CSMD1: variants seen among roughly 807,000 people sequenced by gnomAD.
CSMD1 encodes CUB and Sushi multiple domains 1.
CSMD1 carries 213 observed loss-of-function variants against 417.5 expected under a neutral mutation model. The observed-to-expected ratio is 0.51, with a 90% CI of 0.46 to 0.57. The LOEUF is 0.57. CSMD1 is among the 20% of genes least tolerant of loss of function. The pLI, the probability that CSMD1 is intolerant of heterozygous loss-of-function variation, is 0.00. For missense variants in CSMD1, 6,923 were observed against 4,529.7 expected (o/e 1.53, Z -15.17); for synonymous variants, 2,862 against 1,736.8 (o/e 1.65, Z -16.11).
At chr8:3,142,805 A>T in intron 40 of CSMD1, 131 bp from the exon 41 acceptor site, 1 of 800,248 alleles carries the variant, frequency 1.2e-6, no homozygotes, top group South Asian at 1.6e-5. Context: ...CATGCCGTGG[A>T]GGACGGCATT....
At chr8:4,165,739 A>G (rs1285489945) in intron 3 of CSMD1, among the ~76,000 whole-genome samples, 1 of 152,126 alleles carries the variant, frequency 6.6e-6, no homozygotes, top group East Asian at 1.9e-4. Flanking sequence ...ATCACTAAGC[A>G]TCTCATCATT....
chr8:3,445,277 T>C (rs1458814090), intron 12 of CSMD1, among the ~76,000 whole-genome samples: 1 of 152,186 alleles, frequency 6.6e-6, no homozygotes, highest in Non-Finnish European at 1.5e-5. Context: ...GAAGAAGTTA[T>C]AATTTTGGGG....
At chr8:4,407,716 A>C (rs957898185) in intron 3 of CSMD1, among the ~76,000 whole-genome samples, 1 of 152,216 alleles carries the variant, frequency 6.6e-6, no homozygotes, top group Non-Finnish European at 1.5e-5. Context: ...AAATAGCTGT[A>C]GTTTTTCCAT....
At chr8:3,693,543 G>A (rs936286035) in intron 7 of CSMD1, among the ~76,000 whole-genome samples, 3 of 152,074 alleles carry the variant, frequency 2.0e-5, no homozygotes, top group Admixed American at 6.5e-5. Context: ...TCGTTACTGA[G>A]CCCTACAATG....
intron 7 of CSMD1, among the ~76,000 whole-genome samples, chr8:3,691,462 C>G (rs562830941): frequency 6.6e-6 from 1 of 152,234 alleles, no homozygotes; most frequent in Non-Finnish European, 1.5e-5. Context: ...TTATGCAACA[C>G]AGTCTGTAAT....
chr8:3,848,948 T>A (rs114386834), intron 5 of CSMD1, among the ~76,000 whole-genome samples: 4,010 of 151,092 alleles, frequency 0.027, 75 homozygotes, highest in African/African-American at 0.057. Flanking sequence ...GATATATATA[T>A]GTATATACTA....
At chr8:4,828,846 C>A (rs1158374744) in intron 1 of CSMD1, among the ~76,000 whole-genome samples, 2 of 152,114 alleles carry the variant, frequency 1.3e-5, no homozygotes, top group African/African-American at 4.8e-5. Flanking sequence ...CTCAATACTG[C>A]CCACAGAACC....
At chr8:3,239,238 T>C (rs1473849669) in intron 26 of CSMD1, among the ~76,000 whole-genome samples, 1 of 152,084 alleles carries the variant, frequency 6.6e-6, no homozygotes, top group Non-Finnish European at 1.5e-5. Context: ...TTTCACTGAA[T>C]ACCAAGAGCC....
intron 1 of CSMD1, among the ~76,000 whole-genome samples, chr8:4,742,065 C>G (rs1316771382): frequency 8.5e-6 from 1 of 117,204 alleles, no homozygotes; most frequent in Non-Finnish European, 1.6e-5. Context: ...GAGTCTCTCT[C>G]TGTCGCCCAG....
intron 23 of CSMD1, among the ~76,000 whole-genome samples, chr8:3,310,989 G>C (rs991612528): frequency 1.3e-5 from 2 of 152,096 alleles, no homozygotes; most frequent in Non-Finnish European, 1.5e-5. Context: ...ACTAAGAAGT[G>C]GTCAAGATGC....
At chr8:4,035,691 G>A (rs767108521) in intron 3 of CSMD1, among the ~76,000 whole-genome samples, 1 of 152,116 alleles carries the variant, frequency 6.6e-6, no homozygotes, top group Non-Finnish European at 1.5e-5. Flanking sequence ...AACTGTGCAA[G>A]GTTTATGTTT....
At chr8:4,717,250 A>G (rs1341354157) in intron 1 of CSMD1, among the ~76,000 whole-genome samples, 2 of 150,946 alleles carry the variant, frequency 1.3e-5, no homozygotes, top group African/African-American at 4.9e-5. Flanking sequence ...TGGTAATGGC[A>G]GGATGAAAAT....
intron 3 of CSMD1, among the ~76,000 whole-genome samples, chr8:4,145,459 T>C (rs1804055035): frequency 1.3e-5 from 2 of 151,236 alleles, no homozygotes; most frequent in South Asian, 2.1e-4. Context: ...ATATTTTTTG[T>C]ATTGAAATAT....
At chr8:3,816,575 T>G (rs543258012) in intron 5 of CSMD1, among the ~76,000 whole-genome samples, 2 of 152,274 alleles carry the variant, frequency 1.3e-5, no homozygotes, top group East Asian at 3.9e-4. Context: ...ACCTAGTATT[T>G]AATAGATTAG....
intron 3 of CSMD1, among the ~76,000 whole-genome samples, chr8:4,299,750 C>T (rs959109882): frequency 1.3e-5 from 2 of 152,072 alleles, no homozygotes; most frequent in African/African-American, 2.4e-5. Context: ...CATGCCTCAG[C>T]CTCCCGAGTA....
intron 5 of CSMD1, among the ~76,000 whole-genome samples, chr8:3,902,328 G>GT (rs1249769059): frequency 1.3e-5 from 2 of 152,160 alleles, no homozygotes; most frequent in Admixed American, 6.5e-5. Flanking sequence ...CCAGTAAGGA[G>GT]TTTTTTGTTT....
chr8:4,791,259 C>G (rs1161441326), intron 1 of CSMD1, among the ~76,000 whole-genome samples: 1 of 152,166 alleles, frequency 6.6e-6, no homozygotes, highest in African/African-American at 2.4e-5. Context: ...GGGGCTTTGC[C>G]TGTCATGGAC....
chr8:4,572,054 T>C (rs2693799), intron 2 of CSMD1, among the ~76,000 whole-genome samples: 61,372 of 151,896 alleles, frequency 0.4, 13,019 homozygotes, highest in East Asian at 0.53. Context: ...CACCGATGGG[T>C]CTTGACTCTT....
At chr8:3,714,709 C>A (rs183360356) in intron 6 of CSMD1, among the ~76,000 whole-genome samples, 2 of 152,172 alleles carry the variant, frequency 1.3e-5, no homozygotes, top group Admixed American at 6.5e-5. Context: ...TGTACTCCAG[C>A]CTGGGCCACA....
Sources: gnomAD v4.1 joint callset for allele counts (sites outside exome capture counted in the v4.1 genomes callset) on GRCh38, gnomAD v4.1.1 for gene constraint, MANE v1.5 for transcripts, NCBI Gene and HGNC (gene_info 2026-07-23, HGNC 2026-07-21) for gene names.